IL18RAP: variants seen among roughly 807,000 people sequenced by gnomAD.
IL18RAP encodes the protein interleukin-18 receptor accessory protein.
IL18RAP carries 37 observed loss-of-function variants against 58.1 expected under a neutral mutation model. The observed-to-expected ratio is 0.64, with a 90% CI of 0.49 to 0.84. The LOEUF is 0.84. Ranked by LOEUF, IL18RAP falls within the 40% of genes least tolerant of loss-of-function variation. The pLI is 0.00. For synonymous variants in IL18RAP, 268 were observed against 257.5 expected (o/e 1.04, Z -0.39); for missense variants, 667 against 704.8 (o/e 0.95, Z 0.61).
chr2:102,420,347 T>TAAG (rs1315272541), upstream of IL18RAP, among the ~76,000 whole-genome samples: 1 of 152,212 alleles, frequency 6.6e-6, no homozygotes, highest in African/African-American at 2.4e-5. Flanking sequence ...TCTGATTTAA[T>TAAG]AAGTCCTCAG....
chr2:102,442,796 A>G (rs1478068879), intron 5 of IL18RAP, among the ~76,000 whole-genome samples: 1 of 152,238 alleles, frequency 6.6e-6, no homozygotes, highest in African/African-American at 2.4e-5. Flanking sequence ...TTTACTTAAT[A>G]AACAAATATT....
chr2:102,434,547 A>G (rs1682606614), intron 3 of IL18RAP: 1 of 152,174 alleles, frequency 6.6e-6, no homozygotes, highest in African/African-American at 2.4e-5. Context: ...CCCTGCTAAA[A>G]CTACGGGCGA....
At chr2:102,443,158 C>T (rs1558644702) in intron 5 of IL18RAP, 42 bp from the exon 6 acceptor site, 3 of 1,588,802 alleles carry the variant, frequency 1.9e-6, no homozygotes, top group East Asian at 2.2e-5. Context: ...AAAGTATTCT[C>T]ACCAGCTTCC....
At chr2:102,446,534 T>C (rs141272230) in intron 7 of IL18RAP, among the ~76,000 whole-genome samples, 1 of 152,204 alleles carries the variant, frequency 6.6e-6, no homozygotes, top group African/African-American at 2.4e-5. Context: ...CTCCCATTTA[T>C]AAGTGAAAAC....
At position 102,447,125 on chromosome 2, in the gene IL18RAP, G is replaced by A. The variant is rs1010526890; in HGVS notation, c.1128G>A (p.Ala376=). 1.3e-5 allele frequency: 21 copies of A among 1,613,950 alleles called. No individual in the cohort carries two copies. Among genetic ancestry groups the A allele is most frequent in the East Asian group, 2.2e-5 (1 of 44,880 alleles). The part of the protein sequence containing the change: ...GTIGTLVAVL[A]ASALLYRHWI... ...TCGGGACCCTGGTGGCCGTGCTGGC[G>A]GCGAGTGCCCTCCTCTACAGGCACT... The change falls in exon 8 of 10, where the codon GCG becomes GCA. Residue 376 remains alanine (A), a synonymous_variant. Transcript: ENST00000687160.
Position 102,449,529 on chromosome 2 carries a change from G to T in IL18RAP, c.1211-1319G>T, listed in dbSNP as rs542270103. ...GCAAAGACAATGTTTTTAGTGATCAGATCTGGAGGCAGAATCCAGTTTTCA... is the reference window on the plus strand; with the variant it reads ...GCAAAGACAATGTTTTTAGTGATCATATCTGGAGGCAGAATCCAGTTTTCA... On this transcript the variant is annotated intron_variant, in intron 8 of 9. Transcript: ENST00000687160. 1.6e-4 allele frequency among the ~76,000 whole-genome samples: 24 copies of T among 152,296 alleles called. No homozygotes were observed. In the East Asian group the frequency reaches 4.2e-3, roughly 27 times the overall value.
chr2:102,451,751 A>G lies in IL18RAP; in HGVS notation c.1385-15A>G, dbSNP rs374817543. 1.9e-6 allele frequency: 3 copies of G among 1,588,048 alleles called. No individual in the cohort carries two copies. The highest frequency in any genetic ancestry group is 2.6e-6 in the Non-Finnish European group (3 of 1,164,468). On this transcript the variant is annotated splice_polypyrimidine_tract_variant and intron_variant, in intron 9 of 9. Coordinates refer to ENST00000687160, the MANE Select transcript of IL18RAP (RefSeq NM_001393487.1). Reference sequence around the variant, plus strand: ...AACAATATCCATTGCAAATAATCAAATGTTTTATTTCCAGTGTATGCAGAA... The same window carrying G: ...AACAATATCCATTGCAAATAATCAAGTGTTTTATTTCCAGTGTATGCAGAA...
chr2:102,429,631 CT>C (rs35517384), intron 3 of IL18RAP, among the ~76,000 whole-genome samples: 32,774 of 151,668 alleles, frequency 0.22, 4,004 homozygotes, highest in African/African-American at 0.33. Context: ...ATTTATTACC[CT>C]TTTTCTAACA....
intron 3 of IL18RAP, among the ~76,000 whole-genome samples, chr2:102,427,438 TG>T (rs902333225): frequency 6.6e-6 from 1 of 152,168 alleles, no homozygotes; most frequent in Non-Finnish European, 1.5e-5. Flanking sequence ...TATGTCATTG[TG>T]GTTTCAATTT....
intron 3 of IL18RAP, among the ~76,000 whole-genome samples, chr2:102,431,528 A>G (rs933323029): frequency 1.3e-5 from 2 of 152,004 alleles, no homozygotes; most frequent in African/African-American, 2.4e-5. Context: ...TTTTTCTTCC[A>G]TCTTCCAAAA....
intron 4 of IL18RAP, chr2:102,440,098 A>T (rs896377542): frequency 6.6e-6 from 1 of 152,286 alleles, no homozygotes; most frequent in Admixed American, 6.5e-5. Flanking sequence ...GGAAAGACAT[A>T]ACCTCAGGCA....
chr2:102,441,989 C>T (rs893374059), intron 5 of IL18RAP, among the ~76,000 whole-genome samples: 2 of 152,164 alleles, frequency 1.3e-5, no homozygotes, highest in Non-Finnish European at 2.9e-5. Context: ...TTAACTTCCC[C>T]AGGAACAGGT....
chr2:102,449,990 G>C (rs543486581), intron 8 of IL18RAP, among the ~76,000 whole-genome samples: 15 of 152,108 alleles, frequency 9.9e-5, no homozygotes, highest in Non-Finnish European at 1.9e-4. Flanking sequence ...CATCATTTTA[G>C]GTTCACCTTG....
At chr2:102,423,777 T>C (rs1238874010) in intron 1 of IL18RAP, 34 bp from the exon 2 acceptor site, 1 of 1,341,198 alleles carries the variant, frequency 7.5e-7, no homozygotes, top group Non-Finnish European at 1.0e-6. Context: ...TTTTCTAATG[T>C]GTTTCCATGT....
chr2:102,423,935 A>G lies in IL18RAP; in HGVS notation c.195A>G (p.Lys65=), dbSNP rs1225076455. 1.9e-6 allele frequency: 3 copies of G among 1,614,016 alleles called. No homozygotes were observed. Among genetic ancestry groups the G allele is most frequent in the Non-Finnish European group, 2.5e-6 (3 of 1,179,978 alleles). Residue 65 remains lysine, a synonymous_variant, in exon 2 of 10, where the codon AAA becomes AAG. Transcript: ENST00000687160. ...GCCACAGAAATCGACTCTCACCAAA[A>G]CAAGTCCCTGAGCACCTGCCCTTCA... is the stretch of plus-strand genomic sequence containing the variant. ...HFCHRNRLSP[K]QVPEHLPFMG...
chr2:102,446,141 A>G (rs535188523), intron 7 of IL18RAP, among the ~76,000 whole-genome samples: 6 of 152,304 alleles, frequency 3.9e-5, no homozygotes, highest in African/African-American at 1.4e-4. Flanking sequence ...TACAATATGC[A>G]ATGAGAGAGA....
upstream of IL18RAP, among the ~76,000 whole-genome samples, chr2:102,420,124 G>T (rs1681478324): frequency 6.6e-6 from 1 of 152,162 alleles, no homozygotes; most frequent in East Asian, 1.9e-4. Context: ...TGGGTGTGTT[G>T]TCCCACATAA....
rs576967009 is a variant in IL18RAP, at chr2:102,424,762, A to AG, written c.579+352dup. On this transcript the variant is annotated intron_variant, in intron 3 of 9. Coordinates refer to ENST00000687160, the MANE Select transcript of IL18RAP (RefSeq NM_001393487.1). ...CTTAGGAAAGCAACAGGCATTGCAA[A>AG]GGGGAAGGGAGGACTCAACACATAA... Among the ~76,000 whole-genome samples the AG allele has an allele frequency of 2.7e-3, 413 of 152,330 alleles. 9 individuals are homozygous for AG. The South Asian group carries it at 0.033, about 12-fold the overall frequency.
rs187903306 is a variant in IL18RAP, at chr2:102,451,146, T to C, written c.1384+125T>C. 1.1e-4 allele frequency: 79 copies of C among 693,924 alleles called. No homozygotes were observed. In the Admixed American group the frequency reaches 2.4e-3, roughly 21 times the overall value. 43.0% of individuals were successfully genotyped at this position (693,924 alleles called of 1,614,324 possible). On this transcript the variant is annotated intron_variant, in intron 9 of 9. Transcript: ENST00000687160. ...GGAGATTACATGAGGTTAGAACATC[T>C]TGGGCAACAACACAGAAACTATATG...
Sources: allele counts gnomAD v4.1 joint callset (sites outside exome capture counted in the v4.1 genomes callset), GRCh38; gene constraint gnomAD v4.1.1; transcripts MANE v1.5; gene names NCBI Gene and HGNC (gene_info 2026-07-23, HGNC 2026-07-21).